The following SLC14A1 variants were observed in gnomAD, a reference collection of about 807,000 sequenced individuals.
SLC14A1 encodes urea transporter 1.
In SLC14A1, 36 loss-of-function variants were observed where a neutral mutation model predicts 39.6. The ratio of observed to expected loss-of-function variants is 0.91; its 90% CI spans 0.70 to 1.20. The LOEUF is 1.20. SLC14A1 is among the 50% of genes most tolerant of loss of function. SLC14A1 has a pLI of 0.00. For synonymous variants in SLC14A1, 164 were observed against 173.6 expected (o/e 0.94, Z 0.43); for missense variants, 469 against 478.7 (o/e 0.98, Z 0.19).
In SLC14A1 at chr18:45,734,393, C is replaced by T. The variant is rs1257681415; in HGVS notation, c.461C>T (p.Ser154Phe). Residue 154 changes from serine (S) to phenylalanine (F), a missense_variant, in exon 5 of 10, where the codon TCC (serine) becomes TTC (phenylalanine). Ser to Phe is a radical substitution (Grantham distance 155). Coordinates refer to ENST00000321925, the MANE Select transcript of SLC14A1 (RefSeq NM_015865.7). ...CTGTTACTCCCTGTATGTGCTATGT[C>T]CATGACTTGGTAAGTTACAATTGGT... ...WWLLLPVCAM[S>F]MTCPIFSSAL... 6.2e-7 allele frequency: 1 copy of T among 1,613,006 alleles called. No homozygotes were observed. The highest frequency in any genetic ancestry group is 1.7e-5 in the Admixed American group (1 of 59,892).
At chr18:45,734,508 T>G (rs8096571) in intron 5 of SLC14A1, 106 bp downstream of exon 5, 1 of 1,236,780 alleles carries the variant, frequency 8.1e-7, no homozygotes, top group South Asian at 1.2e-5. Flanking sequence ...CAAGATGAAA[T>G]ATGTTCTCTG....
chr18:45,735,854 G>T (rs28898871), intron 5 of SLC14A1, among the ~76,000 whole-genome samples: 2 of 152,130 alleles, frequency 1.3e-5, no homozygotes, highest in African/African-American at 2.4e-5. Flanking sequence ...GAGGGACCTC[G>T]GGACCATGCA....
At position 45,744,018 on chromosome 18, in the gene SLC14A1, C is replaced by CTT. The variant is rs11433934; in HGVS notation, c.947-4347_947-4346dup. Among the ~76,000 whole-genome samples, 1,301 of 147,094 alleles carry CTT rather than the reference C, an allele frequency of 8.8e-3. 19 individuals are homozygous for CTT. The highest frequency in any genetic ancestry group is 0.046 in the Middle Eastern group (13 of 280). On this transcript the variant is annotated intron_variant, in intron 8 of 9. Transcript: ENST00000321925. Reference sequence around the variant, plus strand: ...ACTTAGTTCATATTAACCTTCTGTACTTTTTTTTTTTTGAGACAGAGTCTC... The same window carrying CTT: ...ACTTAGTTCATATTAACCTTCTGTACTTTTTTTTTTTTTTGAGACAGAGTCTC...
intron 9 of SLC14A1, 54 bp downstream of exon 9, chr18:45,748,479 A>C: frequency 6.4e-7 from 1 of 1,570,414 alleles, no homozygotes; most frequent in East Asian, 2.2e-5. Context: ...GCTTACAACT[A>C]TATGGGAAAT....
chr18:45,734,130 G>A (rs1018750821), intron 4 of SLC14A1, 144 bp from the exon 5 acceptor site: 4 of 1,023,122 alleles, frequency 3.9e-6, no homozygotes, highest in Non-Finnish European at 6.0e-6. Flanking sequence ...TTTGTACGAT[G>A]CTTACGTAGA....
intron 2 of SLC14A1, chr18:45,727,469 C>G: frequency 6.6e-7 from 1 of 1,509,760 alleles, no homozygotes; most frequent in Non-Finnish European, 8.9e-7. Context: ...GAGCCTGCTC[C>G]AAACTCTGGT....
rs554627325 is a variant in SLC14A1, at chr18:45,741,212, T to C, written c.946+1550T>C. 2.6e-5 allele frequency: 4 copies of C among 152,332 alleles called. No individual in the cohort carries two copies. In the East Asian group the frequency reaches 7.7e-4, roughly 29 times the overall value. 9.4% of individuals were successfully genotyped at this position (152,332 alleles called of 1,614,324 possible). On this transcript the variant is annotated intron_variant, in intron 8 of 9. Transcript: ENST00000321925. ...TGCATGTGATTTGGATCTGAAAAGC[T>C]AATAGATCCCAGGTGGATTTTGAGT...
chr18:45,731,428 G>A, intron 4 of SLC14A1: 1 of 600,924 alleles, frequency 1.7e-6, no homozygotes, highest in Non-Finnish European at 3.0e-6. Context: ...GATTCTTGTG[G>A]CATTACGTGC....
chr18:45,745,268 G>T (rs996496292), intron 8 of SLC14A1, among the ~76,000 whole-genome samples: 3 of 152,092 alleles, frequency 2.0e-5, no homozygotes, highest in African/African-American at 7.2e-5. Flanking sequence ...ACTGTAGGTT[G>T]TTCAGTTTGT....
rs2047209489 is a variant in SLC14A1, at chr18:45,736,757, T to G, written c.663+109T>G. ...GTCTCCTAGATGCTCAGGACTATGG[T>G]GGCCTTTCTGCCTTCATCTTGCCAT... On this transcript the variant is annotated intron_variant, in intron 6 of 9. Transcript: ENST00000321925. 12 of 913,620 alleles carry G rather than the reference T, an allele frequency of 1.3e-5. No homozygotes were observed. In the South Asian group the frequency reaches 1.7e-4, roughly 13 times the overall value. The allele number at this position is 913,620 out of a possible 1,614,324, so 56.6% of individuals were successfully genotyped here.
intron 5 of SLC14A1, among the ~76,000 whole-genome samples, chr18:45,734,613 G>C (rs561973585): frequency 1.3e-5 from 2 of 152,178 alleles, no homozygotes; most frequent in Non-Finnish European, 2.9e-5. Flanking sequence ...GGTGGTTCTT[G>C]TTTGTAGTCC....
chr18:45,730,390 C>T lies in SLC14A1; in HGVS notation c.70C>T (p.Pro24Ser), dbSNP rs750695032. Reference sequence around the variant, plus strand: ...GGTTAGGGGTGAAAACCAGGTTTCGCCATGTCAAGGGAGAAGGTGCTTCCC... The same window carrying T: ...GGTTAGGGGTGAAAACCAGGTTTCGTCATGTCAAGGGAGAAGGTGCTTCCC... ...TMVRGENQVSPCQGRRCFPKA... is the reference protein window; with the variant it reads ...TMVRGENQVSSCQGRRCFPKA... The change falls in exon 3 of 10, where the codon CCA becomes TCA. Residue 24 changes from proline to serine, a missense_variant. By Grantham distance (74) the Pro-to-Ser change is moderately conservative. Transcript: ENST00000321925. The T allele has an allele frequency of 6.8e-6, 11 of 1,614,022 alleles. No individual in the cohort carries two copies. In the Admixed American group the frequency reaches 1.7e-4, roughly 24 times the overall value.
At chr18:45,733,817 G>A (rs902901162) in intron 4 of SLC14A1, among the ~76,000 whole-genome samples, 1 of 152,094 alleles carries the variant, frequency 6.6e-6, no homozygotes, top group Non-Finnish European at 1.5e-5. Context: ...GTGGGCGAGT[G>A]AGCATTTCCA....
At position 45,748,396 on chromosome 18, in the gene SLC14A1, G is replaced by A. The variant is rs769240583; in HGVS notation, c.967G>A (p.Gly323Arg). ...LGCALFTAYLGVGMANFMAEV... is the reference protein window; with the variant it reads ...LGCALFTAYLRVGMANFMAEV... The stretch of plus-strand genomic sequence containing the variant: ...TGTAGCCCTGTTCACGGCCTATCTT[G>A]GAGTCGGCATGGCAAACTTTATGGC... Residue 323 changes from glycine to arginine, a missense_variant, in exon 9 of 10, where the codon GGA becomes AGA. Gly to Arg is a moderately radical substitution (Grantham distance 125). Coordinates refer to ENST00000321925, the MANE Select transcript of SLC14A1 (RefSeq NM_015865.7). 6.2e-7 allele frequency: 1 copy of A among 1,613,940 alleles called. No homozygotes were observed. Among genetic ancestry groups the A allele is most frequent in the Non-Finnish European group, 8.5e-7 (1 of 1,179,972 alleles).
In SLC14A1 at chr18:45,750,183, A is replaced by C; in HGVS notation, c.*232A>C. On this transcript the variant is annotated 3_prime_UTR_variant, in exon 10 of 10. Coordinates refer to ENST00000321925, the MANE Select transcript of SLC14A1 (RefSeq NM_015865.7). ...CTCTGGTATGGAATTTGAAACCCCA[A>C]TGGGGCCTTGGCACTAAGACTGGAA... 1 of 1,419,452 alleles carries C rather than the reference A, an allele frequency of 7.0e-7. No homozygotes were observed. The allele number at this position is 1,419,452 out of a possible 1,614,324, so 87.9% of individuals were successfully genotyped here.
rs1210649077 is a variant in SLC14A1 at position 45,731,015 on chromosome 18, A to G, written c.152A>G (p.Asp51Gly). The G allele has an allele frequency of 1.9e-6, 3 of 1,613,998 alleles. No individual in the cohort carries two copies. Among genetic ancestry groups the G allele is most frequent in the African/African-American group, 1.3e-5 (1 of 74,912 alleles). The change falls in exon 4 of 10, where the codon GAC becomes GGC. Residue 51 changes from aspartate to glycine, a missense_variant and splice_region_variant. Transcript: ENST00000321925. ...CTCTGCTTTACCTCATCCCTTCCAG[A>G]CAAACCCGTGGTGCTCCAGTTCATT... Reference protein sequence around the residue: ...DMKELANQLKDKPVVLQFIDW... With the variant: ...DMKELANQLKGKPVVLQFIDW...
At chr18:45,734,526 A>G (rs1176212349) in intron 5 of SLC14A1, 124 bp downstream of exon 5, 3 of 1,008,200 alleles carry the variant, frequency 3.0e-6, no homozygotes, top group African/African-American at 1.6e-5. Context: ...CTGAATGTAT[A>G]GTGGTGATGG....
At position 45,734,083 on chromosome 18, in the gene SLC14A1, T is replaced by C. The variant is rs192964646; in HGVS notation, c.342-191T>C. The C allele has an allele frequency of 1.1e-4, 75 of 664,202 alleles. No individual in the cohort carries two copies. The Admixed American group carries it at 1.7e-3, about 15-fold the overall frequency. The allele number at this position is 664,202 out of a possible 1,614,324, so 41.1% of individuals were successfully genotyped here. ...CTGATCTAAATGCACATTTATATTT[T>C]TATCTATGTATATTTCACTTCATGT... On this transcript the variant is annotated intron_variant, in intron 4 of 9. Coordinates refer to ENST00000321925, the MANE Select transcript of SLC14A1 (RefSeq NM_015865.7).
At position 45,750,967 on chromosome 18, in the gene SLC14A1, C is replaced by A. The variant is rs1315884476; in HGVS notation, c.*1016C>A. 2 of 984,692 alleles carry A rather than the reference C, an allele frequency of 2.0e-6. No homozygotes were observed. Among genetic ancestry groups the A allele is most frequent in the Non-Finnish European group, 2.4e-6 (2 of 829,448 alleles). The allele number at this position is 984,692 out of a possible 1,614,324, so 61.0% of individuals were successfully genotyped here. ...TGTTATTTTTATAAGTTGTTGAATTCCTTAATTTAAAAAAGCTCATTATTT... is the reference window on the plus strand; with the variant it reads ...TGTTATTTTTATAAGTTGTTGAATTACTTAATTTAAAAAAGCTCATTATTT... On this transcript the variant is annotated 3_prime_UTR_variant, in exon 10 of 10. Transcript: ENST00000321925.
Sources: allele counts gnomAD v4.1 joint callset (sites outside exome capture counted in the v4.1 genomes callset), GRCh38; gene constraint gnomAD v4.1.1; transcripts MANE v1.5; gene names NCBI Gene and HGNC (gene_info 2026-07-23, HGNC 2026-07-21).